The following PRRC2C variants were observed in gnomAD, a reference collection of about 807,000 sequenced individuals.
PRRC2C encodes the protein protein PRRC2C.
Under a neutral mutation model 317.2 loss-of-function variants are expected in PRRC2C, and 72 were observed. The ratio of observed to expected loss-of-function variants is 0.23; its 90% CI spans 0.19 to 0.28. The LOEUF is 0.28. Ranked by LOEUF, PRRC2C falls within the 10% of genes least tolerant of loss-of-function variation. The pLI is 1.00. For missense variants in PRRC2C, 3,074 were observed against 3,459.7 expected (o/e 0.89, Z 2.80); for synonymous variants, 1,296 against 1,205.9 (o/e 1.07, Z -1.55).
At chr1:171,550,379 T>C (rs908521884) in intron 18 of PRRC2C, 139 bp downstream of exon 18, 1 of 707,314 alleles carries the variant, frequency 1.4e-6, no homozygotes, top group Non-Finnish European at 2.1e-6. Context: ...TTCCCAACTT[T>C]TAATCATTTT....
Position 171,512,138 on chromosome 1 carries a change from A to G in PRRC2C, c.50A>G (p.Tyr17Cys), listed in dbSNP as rs1671487907. The change falls in exon 2 of 35, where the codon TAT becomes TGT. Residue 17 changes from tyrosine (Y) to cysteine (C), a missense_variant. Physicochemically the swap from Tyr to Cys is radical, Grantham distance 194 (BLOSUM62 -2). Transcript: ENST00000647382. ...QSTKAKDGKKYATLSLFNTYK... is the reference protein window; with the variant it reads ...QSTKAKDGKKCATLSLFNTYK... The stretch of plus-strand genomic sequence containing the variant: ...ACAAAAGCAAAGGATGGGAAAAAGT[A>G]TGCAACACTCAGTTTATTTAATACT... 6.3e-7 allele frequency: 1 copy of G among 1,582,740 alleles called. No individual in the cohort carries two copies. Among genetic ancestry groups the G allele is most frequent in the Non-Finnish European group, 8.6e-7 (1 of 1,163,768 alleles).
chr1:171,593,170 A>G lies in PRRC2C; in HGVS notation c.*1323A>G, dbSNP rs1267664660. On this transcript the variant is annotated 3_prime_UTR_variant, in exon 35 of 35. Coordinates refer to ENST00000647382, the MANE Select transcript of PRRC2C (RefSeq NM_001387844.1). ...TAAATGGAGTGTGCTGGATGTCTCT[A>G]TAATTTTATTCAGATGACTGCAGAA... 1 of 150,952 alleles carries G rather than the reference A, an allele frequency of 6.6e-6. No homozygotes were observed. Among genetic ancestry groups the G allele is most frequent in the South Asian group, 2.1e-4 (1 of 4,790 alleles). The allele number at this position is 150,952 out of a possible 1,614,324, so 9.4% of individuals were successfully genotyped here. A position where few individuals can be genotyped will look rare whatever the true frequency, so the allele number is the denominator to read the frequency against.
intron 18 of PRRC2C, among the ~76,000 whole-genome samples, chr1:171,554,830 A>C (rs980740771): frequency 6.6e-6 from 1 of 152,186 alleles, no homozygotes; most frequent in African/African-American, 2.4e-5. Context: ...CCGAGAGATC[A>C]GCTGTTAGTC....
rs955770140 is a variant in PRRC2C, at chr1:171,485,720, ACACT to A, written c.-69_-66del. On this transcript the variant is annotated 5_prime_UTR_variant, in exon 1 of 35. Transcript: ENST00000647382. ...GAGACCCTCGAAGTGCGCAAACTTG[ACACT>A]CACCCTGACCGGTAAGGAAAGCGAG... The A allele has an allele frequency of 5.9e-5, 9 of 152,170 alleles. No individual in the cohort carries two copies. Among genetic ancestry groups the A allele is most frequent in the African/African-American group, 1.2e-4 (5 of 41,402 alleles). 9.4% of individuals were successfully genotyped at this position (152,170 alleles called of 1,614,324 possible).
chr1:171,579,436 A>G lies in PRRC2C; in HGVS notation c.7242A>G (p.Gln2414=), dbSNP rs1266831265. The change falls in exon 27 of 35, where the codon CAA becomes CAG. Residue 2414 remains glutamine (Q), a synonymous_variant. Transcript: ENST00000647382. The part of the protein sequence containing the change: ...HARLAPPSLA[Q]QQGFQPGLSQ... ...GATTGGCTCCGCCATCCTTGGCTCA[A>G]CAACAGGGTTTCCAACCAGGTCTCT... 5.6e-6 allele frequency: 9 copies of G among 1,613,866 alleles called. No individual in the cohort carries two copies. The highest frequency in any genetic ancestry group is 1.7e-5 in the Admixed American group (1 of 60,038).
At chr1:171,516,529 G>A (rs1672396027) in intron 5 of PRRC2C, among the ~76,000 whole-genome samples, 4 of 152,188 alleles carry the variant, frequency 2.6e-5, no homozygotes, top group African/African-American at 7.2e-5. Flanking sequence ...GCGTCATAAT[G>A]TGGTTGGTGC....
rs1261690844 is a variant in PRRC2C at position 171,536,290 on chromosome 1, T to G, written c.2293+12T>G. The G allele has an allele frequency of 1.9e-6, 3 of 1,611,466 alleles. No individual in the cohort carries two copies. Among genetic ancestry groups the G allele is most frequent in the Non-Finnish European group, 2.5e-6 (3 of 1,178,472 alleles). On this transcript the variant is annotated intron_variant, in intron 14 of 34. Coordinates refer to ENST00000647382, the MANE Select transcript of PRRC2C (RefSeq NM_001387844.1). Reference sequence around the variant, plus strand: ...ACCCATTCATCCTGGTCAGTTGAATTTGCATTTATAGTTTTACAGGATCAA... The same window carrying G: ...ACCCATTCATCCTGGTCAGTTGAATGTGCATTTATAGTTTTACAGGATCAA...
At chr1:171,561,191 C>A in intron 20 of PRRC2C, 88 bp downstream of exon 20, 1 of 1,271,344 alleles carries the variant, frequency 7.9e-7, no homozygotes, top group Non-Finnish European at 1.1e-6. Context: ...ACCTGTAATC[C>A]TAGCGTGGTG....
intron 5 of PRRC2C, among the ~76,000 whole-genome samples, chr1:171,517,299 C>G (rs926788856): frequency 5.9e-5 from 9 of 152,098 alleles, no homozygotes; most frequent in African/African-American, 2.2e-4. Context: ...ATATGGAGAA[C>G]AGTGATTTTA....
Position 171,541,733 on chromosome 1 carries a change from C to T in PRRC2C, c.4267C>T (p.Arg1423Ter), listed in dbSNP as rs768410543. 1 of 1,613,872 alleles carries T rather than the reference C, an allele frequency of 6.2e-7. No homozygotes were observed. ...ATTTGACCCAGCTAGAGAAAGGCCT[C>T]GAAGGCAGCGTCCTACTCGACCACC... ...RKFDPARERP[R>*]RQRPTRPPRQ... The change falls in exon 16 of 35, where the codon CGA becomes TGA. Residue 1423 changes from arginine (R) to a stop codon, truncating the protein, a stop_gained. Transcript: ENST00000647382. LOFTEE classifies it high-confidence loss of function. The surrounding 1 kb of genome is among the most constrained non-coding windows in gnomAD (Gnocchi z 4.1).
intron 20 of PRRC2C, among the ~76,000 whole-genome samples, chr1:171,563,810 A>G (rs565291367): frequency 6.6e-6 from 1 of 152,266 alleles, no homozygotes; most frequent in Admixed American, 6.5e-5. Flanking sequence ...GCCTGTTGGT[A>G]TTAGCATCAT....
intron 19 of PRRC2C, among the ~76,000 whole-genome samples, chr1:171,560,609 A>G (rs1289429623): frequency 6.6e-6 from 1 of 152,244 alleles, no homozygotes; most frequent in African/African-American, 2.4e-5. Flanking sequence ...CCACCAGCAA[A>G]AAAAGTACAA....
Position 171,536,025 on chromosome 1 carries a change from T to C in PRRC2C, c.2044-4T>C. 1 of 1,552,142 alleles carries C rather than the reference T, an allele frequency of 6.4e-7. No individual in the cohort carries two copies. Among genetic ancestry groups the C allele is most frequent in the Admixed American group, 2.0e-5 (1 of 51,012 alleles). Reference sequence around the variant, plus strand: ...TCTCAAGATATGGGATCTTACTTTTTCAGGAACAGATGAAACAGCAGCAGT... The same window carrying C: ...TCTCAAGATATGGGATCTTACTTTTCCAGGAACAGATGAAACAGCAGCAGT... On this transcript the variant is annotated splice_region_variant and splice_polypyrimidine_tract_variant and intron_variant, in intron 13 of 34. Coordinates refer to ENST00000647382, the MANE Select transcript of PRRC2C (RefSeq NM_001387844.1).
At chr1:171,573,718 G>A (rs1001819078) in intron 24 of PRRC2C, among the ~76,000 whole-genome samples, 6 of 111,138 alleles carry the variant, frequency 5.4e-5, no homozygotes, top group African/African-American at 2.0e-4. Context: ...TCGTTCTGTC[G>A]CCCAGGCTGG....
chr1:171,533,595 C>T (rs1312039851), intron 12 of PRRC2C, among the ~76,000 whole-genome samples: 4 of 152,100 alleles, frequency 2.6e-5, no homozygotes, highest in African/African-American at 4.8e-5. Flanking sequence ...TCAGGGTTTT[C>T]GTTTTTTGTT....
At chr1:171,558,960 T>C (rs1682010678) in intron 19 of PRRC2C, among the ~76,000 whole-genome samples, 1 of 152,270 alleles carries the variant, frequency 6.6e-6, no homozygotes, top group Non-Finnish European at 1.5e-5. Context: ...TACAAAGTTA[T>C]AGTGGTCTGG....
chr1:171,562,483 A>G (rs748028243), intron 20 of PRRC2C, among the ~76,000 whole-genome samples: 1 of 152,202 alleles, frequency 6.6e-6, no homozygotes, highest in Non-Finnish European at 1.5e-5. Flanking sequence ...CGATATTACA[A>G]TAATTGAATG....
Position 171,591,820 on chromosome 1 carries a change from G to C in PRRC2C, c.8670G>C (p.Ala2890=). ...GAACTGGACCAATCAAACCTCAGGC[G>C]ATCAAAACCGAAGAAACAAAATCTT... ...PVRTGPIKPQ[A]IKTEETKS is the part of the protein sequence containing the mutation. The change falls in exon 35 of 35, where the codon GCG becomes GCC. Residue 2890 remains alanine, a synonymous_variant. Transcript: ENST00000647382. 1 of 1,448,346 alleles carries C rather than the reference G, an allele frequency of 6.9e-7. No individual in the cohort carries two copies. Among genetic ancestry groups the C allele is most frequent in the Admixed American group, 1.8e-5 (1 of 54,232 alleles). The allele number at this position is 1,448,346 out of a possible 1,614,324, so 89.7% of individuals were successfully genotyped here.
At chr1:171,554,089 T>G (rs1328985597) in intron 18 of PRRC2C, among the ~76,000 whole-genome samples, 1 of 152,180 alleles carries the variant, frequency 6.6e-6, no homozygotes, top group African/African-American at 2.4e-5. Flanking sequence ...CCATTAGTAT[T>G]GTGTGGGAGT....
Sources: allele counts gnomAD v4.1 joint callset (sites outside exome capture counted in the v4.1 genomes callset), GRCh38; gene constraint gnomAD v4.1.1; non-coding constraint Gnocchi (gnomAD v3.1); transcripts MANE v1.5; gene names NCBI Gene and HGNC (gene_info 2026-07-23, HGNC 2026-07-21).